Variants in CFAP74 observed in about 807,000 individuals in gnomAD.
CFAP74 encodes the protein cilia- and flagella-associated protein 74.
A neutral mutation model predicts 188.9 loss-of-function variants in CFAP74; 124 were observed. The observed-to-expected ratio is 0.66, with a 90% CI of 0.57 to 0.76. The LOEUF (loss-of-function observed/expected upper bound fraction) is 0.76. CFAP74 is among the 30% of genes least tolerant of loss of function. The pLI is 0.00. For missense variants in CFAP74, 2,198 were observed against 2,165.2 expected (o/e 1.02, Z -0.30); for synonymous variants, 956 against 916.7 (o/e 1.04, Z -0.77).
At chr1:1,957,689 C>T (rs893895380) in intron 16 of CFAP74, among the ~76,000 whole-genome samples, 8 of 152,136 alleles carry the variant, frequency 5.3e-5, no homozygotes, top group African/African-American at 1.4e-4. Flanking sequence ...GATGCTGATC[C>T]GGAGTGGAGC....
intron 2 of CFAP74, among the ~76,000 whole-genome samples, chr1:1,990,438 AC>A (rs1301153980): frequency 6.4e-4 from 90 of 140,568 alleles, no homozygotes; most frequent in African/African-American, 2.0e-3. Flanking sequence ...GACTCAGCAC[AC>A]AACAGAACCC....
At chr1:1,938,507 C>T (rs1052150428) in intron 25 of CFAP74, among the ~76,000 whole-genome samples, 2 of 152,070 alleles carry the variant, frequency 1.3e-5, no homozygotes, top group Non-Finnish European at 2.9e-5. Context: ...CTCACACACC[C>T]CCATATGCAC....
At chr1:1,955,185 G>A in intron 18 of CFAP74, 1 of 1,288,606 alleles carries the variant, frequency 7.8e-7, no homozygotes, top group African/African-American at 1.5e-5. Context: ...GAGGTTTCTG[G>A]ATCTCGATGC....
At chr1:1,990,849 T>G (rs753679306) in intron 2 of CFAP74, 41 bp downstream of exon 2, 1 of 1,537,870 alleles carries the variant, frequency 6.5e-7, no homozygotes, top group Non-Finnish European at 8.9e-7. Flanking sequence ...TTGTTTGTCT[T>G]TTTGCTGAAA....
In CFAP74 at chr1:1,968,677, G is replaced by C. The variant is rs1162768865; in HGVS notation, c.1203C>G (p.Asp401Glu). 5.0e-6 allele frequency: 8 copies of C among 1,614,044 alleles called. 1 individual carries two copies. Among genetic ancestry groups the C allele is most frequent in the Non-Finnish European group, 8.5e-7 (1 of 1,179,974 alleles). ...LRDKTWNYIS[D>E]FCKKTTVPTN... is the part of the protein sequence containing the mutation. ...TTGGGACTGTGGTCTTCTTGCAAAA[G>C]TCAGAAATGTAGTTCCAGGTCTTGT... Residue 401 changes from aspartate to glutamate, a missense_variant, in exon 11 of 39, where the codon GAC becomes GAG. Asp to Glu is a conservative substitution (Grantham distance 45, BLOSUM62 2). Coordinates refer to ENST00000682832, the MANE Select transcript of CFAP74 (RefSeq NM_001304360.2). The surrounding 1 kb of genome is among the most constrained non-coding windows in gnomAD (Gnocchi z 4.3).
rs866904174 is a variant in CFAP74 at position 1,979,822 on chromosome 1, G to A, written c.500+5564C>T. ...CACATGACGAAGCTGCGCAGAACAC[G>A]CGTGTGGTACTGACCTGGGTGTGGG... is the stretch of plus-strand genomic sequence containing the variant. On this transcript the variant is annotated intron_variant, in intron 6 of 38. Coordinates refer to ENST00000682832, the MANE Select transcript of CFAP74 (RefSeq NM_001304360.2). Among the ~76,000 whole-genome samples the A allele has an allele frequency of 3.5e-4, 42 of 118,566 alleles. 6 individuals are homozygous for A. The Middle Eastern group carries it at 0.013, about 36-fold the overall frequency. The allele number at this position is 118,566 out of a possible 152,430, so 77.8% of individuals were successfully genotyped here.
At chr1:1,948,479 C>T (rs368119405) in intron 18 of CFAP74, among the ~76,000 whole-genome samples, 2 of 150,800 alleles carry the variant, frequency 1.3e-5, no homozygotes, top group Admixed American at 6.6e-5. Context: ...CCAGGCTGAT[C>T]GCAAACATCT....
At chr1:1,971,002 A>G (rs1031189193) in intron 9 of CFAP74, among the ~76,000 whole-genome samples, 186 bp from the exon 10 acceptor site, 10 of 150,194 alleles carry the variant, frequency 6.7e-5, no homozygotes, top group South Asian at 6.3e-4. Flanking sequence ...ACACACACGC[A>G]CACCTGCACA....
intron 25 of CFAP74, among the ~76,000 whole-genome samples, chr1:1,938,338 A>G (rs1052522039): frequency 1.2e-4 from 18 of 151,054 alleles, no homozygotes; most frequent in South Asian, 6.3e-4. Context: ...AGGCACTCAC[A>G]CACACACGCT....
In CFAP74 at chr1:1,968,855, A is replaced by G; in HGVS notation, c.1047-22T>C. 2 of 1,611,990 alleles carry G rather than the reference A, an allele frequency of 1.2e-6. No individual in the cohort carries two copies. Among genetic ancestry groups the G allele is most frequent in the Non-Finnish European group, 1.7e-6 (2 of 1,179,194 alleles). ...GGCCCTGCGTGGAGTCGCTTCTCAG[A>G]TGAGTGCAAGAGGTCCCCTGCCTCC... On this transcript the variant is annotated intron_variant, in intron 10 of 38. Transcript: ENST00000682832. This position sits in a 1 kb window ranked among gnomAD's most constrained non-coding sequence, Gnocchi z 4.3.
At chr1:1,945,786 C>A (rs1254181229) in intron 20 of CFAP74, among the ~76,000 whole-genome samples, 1 of 151,232 alleles carries the variant, frequency 6.6e-6, no homozygotes, top group Non-Finnish European at 1.5e-5. Context: ...TGTGGTCCTG[C>A]CACTGCATTC....
chr1:1,970,032 T>C (rs1005898541), intron 10 of CFAP74, among the ~76,000 whole-genome samples: 1 of 151,908 alleles, frequency 6.6e-6, no homozygotes, highest in African/African-American at 2.4e-5. Flanking sequence ...AGGGGCCTTG[T>C]AGGAACCTGG....
chr1:1,959,977 G>A lies in CFAP74; in HGVS notation c.1748C>T (p.Thr583Ile), dbSNP rs774085844. The A allele has an allele frequency of 6.3e-7, 1 of 1,595,276 alleles. No homozygotes were observed. Among genetic ancestry groups the A allele is most frequent in the Non-Finnish European group, 8.5e-7 (1 of 1,171,770 alleles). Reference sequence around the variant, plus strand: ...CCTCTGACTCACCATCGGCTTGAAGGTGACAAGCACTTCACAGGACATTCC... The same window carrying A: ...CCTCTGACTCACCATCGGCTTGAAGATGACAAGCACTTCACAGGACATTCC... ...SAGMSCEVLV[T>I]FKPMINKDLE... The change falls in exon 15 of 39, where the codon ACC becomes ATC. Residue 583 changes from threonine to isoleucine, a missense_variant. Transcript: ENST00000682832.
rs1294467909 is a variant in CFAP74 at position 1,934,966 on chromosome 1, C to G, written c.3011+3889G>C. Among the ~76,000 whole-genome samples, 2 of 75,736 alleles carry G rather than the reference C, an allele frequency of 2.6e-5. 1 individual carries two copies. Among genetic ancestry groups the G allele is most frequent in the Non-Finnish European group, 5.3e-5 (2 of 37,488 alleles). The allele number at this position is 75,736 out of a possible 152,430, so 49.7% of individuals were successfully genotyped here. A position where few individuals can be genotyped will look rare whatever the true frequency, so the allele number is the denominator to read the frequency against. ...ACGTGGGTGTTAGGTTGTAGGTACA[C>G]GTGTGTACGTGGGTGTTAGGTTGTA... On this transcript the variant is annotated intron_variant, in intron 25 of 38. Coordinates refer to ENST00000682832, the MANE Select transcript of CFAP74 (RefSeq NM_001304360.2).
intron 27 of CFAP74, among the ~76,000 whole-genome samples, chr1:1,928,444 G>A (rs1230028895): frequency 1.3e-5 from 2 of 152,196 alleles, no homozygotes; most frequent in Non-Finnish European, 2.9e-5. Context: ...AGATTCTGCA[G>A]GACACTCCGT....
At chr1:1,969,478 C>A (rs577298929) in intron 10 of CFAP74, among the ~76,000 whole-genome samples, 2 of 149,202 alleles carry the variant, frequency 1.3e-5, no homozygotes, top group Non-Finnish European at 3.0e-5. Flanking sequence ...CAGCCCTGCC[C>A]GGCCCAGCCC....
At chr1:1,939,809 G>C in intron 23 of CFAP74, 42 bp from the exon 24 acceptor site, 1 of 1,512,048 alleles carries the variant, frequency 6.6e-7, no homozygotes, top group East Asian at 2.5e-5. Flanking sequence ...GCCACTCGGA[G>C]ACTTACCAAG....
At chr1:1,947,206 C>T (rs1653833280) in intron 18 of CFAP74, among the ~76,000 whole-genome samples, 152 bp from the exon 19 acceptor site, 1 of 152,234 alleles carries the variant, frequency 6.6e-6, no homozygotes, top group Non-Finnish European at 1.5e-5. Flanking sequence ...CCCCTTGGGG[C>T]ACCCAGGCCC....
chr1:1,976,273 C>G (rs1170117216), intron 6 of CFAP74, among the ~76,000 whole-genome samples: 1 of 152,208 alleles, frequency 6.6e-6, no homozygotes, highest in Non-Finnish European at 1.5e-5. Context: ...GGAGGTGGGC[C>G]TGGTGGGAGG....
Sources: allele counts gnomAD v4.1 joint callset (sites outside exome capture counted in the v4.1 genomes callset), GRCh38; gene constraint gnomAD v4.1.1; non-coding constraint Gnocchi (gnomAD v3.1); transcripts MANE v1.5; gene names NCBI Gene and HGNC (gene_info 2026-07-23, HGNC 2026-07-21).